ANXA11: variants seen among roughly 807,000 people sequenced by gnomAD.
ANXA11 encodes 56 kDa autoantigen.
Under a neutral mutation model 64.7 loss-of-function variants are expected in ANXA11, and 57 were observed. The ratio of observed to expected loss-of-function variants is 0.88; its 90% CI spans 0.71 to 1.10. The LOEUF is 1.10. Ranked by LOEUF, ANXA11 falls within the 50% of genes least tolerant of loss-of-function variation. ANXA11 has a pLI of 0.00. For synonymous variants in ANXA11, 260 were observed against 265.2 expected, an observed-to-expected ratio of 0.98 and a Z score of 0.19; for missense variants, 675 against 670.7, an observed-to-expected ratio of 1.01 and a Z score of -0.07.
intron 1 of ANXA11, among the ~76,000 whole-genome samples, chr10:80,204,334 G>A (rs540126040): frequency 6.6e-6 from 1 of 152,342 alleles, no homozygotes; most frequent in Admixed American, 6.5e-5. Flanking sequence ...ATTGACTGCC[G>A]CATAAAAGGA....
chr10:80,169,202 C>CAGGA lies in ANXA11; in HGVS notation c.327_328insTCCT (p.Gly110SerfsTer88), dbSNP rs1364140200. ...GGCATCCTGGAGGGTGGGTTTCCTC[C>CAGGA]TGGGGGTGGATACATCCCATAGGGA... On this transcript the variant is annotated frameshift_variant, in exon 5 of 16. Coordinates refer to ENST00000422982, the MANE Select transcript of ANXA11 (RefSeq NM_145868.2). LOFTEE classifies it high-confidence loss of function. 1.9e-6 allele frequency: 3 copies of CAGGA among 1,608,332 alleles called. No individual in the cohort carries two copies. In the African/African-American group the frequency reaches 4.0e-5, roughly 22 times the overall value.
Position 80,166,875 on chromosome 10 carries a change from C to T in ANXA11, c.744+15G>A. On this transcript the variant is annotated intron_variant, in intron 7 of 15. Coordinates refer to ENST00000422982, the MANE Select transcript of ANXA11 (RefSeq NM_145868.2). The stretch of plus-strand genomic sequence containing the variant: ...GACACGCCTCACTGTCCCGCGCCCC[C>T]ACCCCGCAGCTCGCCTTGCCGTAAG... The T allele has an allele frequency of 1.3e-6, 2 of 1,593,018 alleles. No homozygotes were observed. Among genetic ancestry groups the T allele is most frequent in the South Asian group, 1.1e-5 (1 of 88,360 alleles).
intron 12 of ANXA11, 52 bp from the exon 13 acceptor site, chr10:80,159,247 G>T: frequency 1.4e-6 from 2 of 1,469,200 alleles, no homozygotes; most frequent in Non-Finnish European, 1.9e-6. Flanking sequence ...TCTCCCCAAA[G>T]TTCATATGTG....
At chr10:80,204,690 G>A (rs1447359134) in intron 1 of ANXA11, 2 of 152,384 alleles carry the variant, frequency 1.3e-5, no homozygotes, top group East Asian at 3.8e-4. Context: ...TTAAGGGCCT[G>A]GCCTGCACCC....
intron 1 of ANXA11, among the ~76,000 whole-genome samples, chr10:80,178,206 A>T (rs1226401133): frequency 7.4e-6 from 1 of 135,964 alleles, no homozygotes; most frequent in African/African-American, 3.0e-5. Flanking sequence ...AATCCAGAAG[A>T]TCTGCTCTCT....
intron 8 of ANXA11, among the ~76,000 whole-genome samples, chr10:80,164,837 T>C (rs761576454): frequency 3.9e-5 from 6 of 152,238 alleles, no homozygotes; most frequent in Non-Finnish European, 4.4e-5. Flanking sequence ...AGTGAGTTAA[T>C]GTACGTAGAG....
chr10:80,163,352 G>A lies in ANXA11; in HGVS notation c.1083C>T (p.Ala361=), dbSNP rs1186996037. 1.2e-6 allele frequency: 2 copies of A among 1,613,178 alleles called. No homozygotes were observed. Among genetic ancestry groups the A allele is most frequent in the South Asian group, 1.1e-5 (1 of 91,024 alleles). The change falls in exon 11 of 16, where the codon GCC becomes GCT. Residue 361 remains alanine, a synonymous_variant. Transcript: ENST00000422982. The part of the protein sequence containing the change: ...NVDMSLAQRD[A]QELYAAGENR... Reference sequence around the variant, plus strand: ...GGGGCTTGGCCATCACACTCACCTGGGCATCTCTCTGGGCGAGTGACATGT... The same window carrying A: ...GGGGCTTGGCCATCACACTCACCTGAGCATCTCTCTGGGCGAGTGACATGT...
chr10:80,178,382 C>T (rs1339585630), intron 1 of ANXA11, among the ~76,000 whole-genome samples: 2 of 152,222 alleles, frequency 1.3e-5, no homozygotes, highest in South Asian at 4.1e-4. Flanking sequence ...AATCACGGCC[C>T]TCTGACATGG....
At chr10:80,191,310 C>A (rs913617535) in intron 1 of ANXA11, among the ~76,000 whole-genome samples, 1 of 152,152 alleles carries the variant, frequency 6.6e-6, no homozygotes, top group South Asian at 2.1e-4. Flanking sequence ...ATTGCTTAAA[C>A]CCAGGAGCTA....
intron 1 of ANXA11, among the ~76,000 whole-genome samples, chr10:80,199,527 T>C (rs1840329010): frequency 6.6e-6 from 1 of 152,046 alleles, no homozygotes; most frequent in African/African-American, 2.4e-5. Flanking sequence ...AGTGGTTGGC[T>C]GGGTGCAGTG....
chr10:80,163,528 A>G lies in ANXA11; in HGVS notation c.1029+6T>C. The G allele has an allele frequency of 6.3e-7, 1 of 1,587,508 alleles. No individual in the cohort carries two copies. Among genetic ancestry groups the G allele is most frequent in the East Asian group, 2.3e-5 (1 of 43,800 alleles). On this transcript the variant is annotated splice_donor_region_variant and intron_variant, in intron 10 of 15. Transcript: ENST00000422982. ...GGGGCCCCGAGCCCTGTCGTGGGAA[A>G]AGTACCTGAGAGAGAGAGATGAGGA...
At position 80,167,508 on chromosome 10, in the gene ANXA11, T is replaced by C. The variant is rs548976321; in HGVS notation, c.562-195A>G. Among the ~76,000 whole-genome samples the C allele has an allele frequency of 3.3e-5, 5 of 152,354 alleles. No individual in the cohort carries two copies. The South Asian group carries it at 1.0e-3, about 32-fold the overall frequency. On this transcript the variant is annotated intron_variant, in intron 5 of 15. Coordinates refer to ENST00000422982, the MANE Select transcript of ANXA11 (RefSeq NM_145868.2). ...ACTGTTATCTGGCCTTGTGTTCTAG[T>C]ACTGAAGCTTTTTCCTGGCTCCAGT...
intron 8 of ANXA11, 46 bp downstream of exon 8, chr10:80,166,038 G>GCACACA (rs762217655): frequency 7.2e-6 from 4 of 557,378 alleles, no homozygotes; most frequent in Admixed American, 4.4e-5. Flanking sequence ...GCGCACACAC[G>GCACACA]CGCGCACACA....
rs1200947404 is a variant in ANXA11 at position 80,176,137 on chromosome 10, C to T, written c.-39G>A. On this transcript the variant is annotated 5_prime_UTR_variant, in exon 2 of 16. Transcript: ENST00000422982. ...ACTCAGCAACTCCACTTCTGTAAGT[C>T]TCTTCCCCAGACACACACCTGTGTG... 2.0e-5 allele frequency: 3 copies of T among 152,212 alleles called. No individual in the cohort carries two copies. The highest frequency in any genetic ancestry group is 1.5e-5 in the Non-Finnish European group (1 of 68,038). The allele number at this position is 152,212 out of a possible 1,614,324, so 9.4% of individuals were successfully genotyped here.
chr10:80,192,367 T>C (rs766823571), intron 1 of ANXA11, among the ~76,000 whole-genome samples: 2 of 152,050 alleles, frequency 1.3e-5, no homozygotes, highest in Middle Eastern at 3.4e-3. Flanking sequence ...TGAGAAAGTC[T>C]ACACCAAGAA....
At chr10:80,184,145 C>T (rs1479731540) in intron 1 of ANXA11, among the ~76,000 whole-genome samples, 1 of 152,234 alleles carries the variant, frequency 6.6e-6, no homozygotes, top group Non-Finnish European at 1.5e-5. Context: ...ACCCCACCCA[C>T]ACCCCTGTAT....
chr10:80,171,146 A>C, intron 3 of ANXA11: 10 of 1,444,918 alleles, frequency 6.9e-6, no homozygotes, highest in Non-Finnish European at 9.1e-6. Context: ...GGAGTTCCCC[A>C]AACACTCCCA....
At position 80,157,704 on chromosome 10, in the gene ANXA11, G is replaced by A; in HGVS notation, c.1395C>T (p.Asp465=). Reference sequence around the variant, plus strand: ...TATACTCTGATCTGATGTCCAGGAGGTCGGTCTCGCTGCGAGACACCATGA... The same window carrying A: ...TATACTCTGATCTGATGTCCAGGAGATCGGTCTCGCTGCGAGACACCATGA... The part of the protein sequence containing the change: ...IRIMVSRSET[D]LLDIRSEYKR... Residue 465 remains aspartate, a synonymous_variant, in exon 15 of 16, where the codon GAC becomes GAT. Coordinates refer to ENST00000422982, the MANE Select transcript of ANXA11 (RefSeq NM_145868.2). 1 of 1,613,976 alleles carries A rather than the reference G, an allele frequency of 6.2e-7. No homozygotes were observed. Among genetic ancestry groups the A allele is most frequent in the Non-Finnish European group, 8.5e-7 (1 of 1,179,972 alleles).
At position 80,154,216 on chromosome 10, in the gene ANXA11, C is replaced by T. The variant is rs939536635; in HGVS notation, c.*1637G>A. On this transcript the variant is annotated 3_prime_UTR_variant, in exon 16 of 16. Transcript: ENST00000422982. ...TCCTGGGTTCAAGTGATTCTCCTGC[C>T]TCAGCATCCTGTGTAGCTGGGATTA... 1 of 152,198 alleles carries T rather than the reference C, an allele frequency of 6.6e-6. No individual in the cohort carries two copies. The highest frequency in any genetic ancestry group is 2.1e-4 in the South Asian group (1 of 4,802). The allele number at this position is 152,198 out of a possible 1,614,324, so 9.4% of individuals were successfully genotyped here. A position where few individuals can be genotyped will look rare whatever the true frequency, so the allele number is the denominator to read the frequency against.
Sources: gnomAD v4.1 joint callset for allele counts (sites outside exome capture counted in the v4.1 genomes callset) on GRCh38, gnomAD v4.1.1 for gene constraint, MANE v1.5 for transcripts, NCBI Gene and HGNC (gene_info 2026-07-23, HGNC 2026-07-21) for gene names.